Variants in RNLS observed in about 807,000 individuals in gnomAD.
The protein encoded by RNLS is renalase.
RNLS carries 39 observed loss-of-function variants against 39.8 expected under a neutral mutation model. That is an observed-to-expected ratio of 0.98 (90% CI 0.76 to 1.28). The LOEUF (loss-of-function observed/expected upper bound fraction) is 1.28, where lower values mean the gene tolerates loss of function less well. Among genes scored for constraint, RNLS ranks in the 50% most tolerant of loss-of-function variants. The pLI, the probability that RNLS is intolerant of heterozygous loss-of-function variation, is 0.00. For synonymous variants in RNLS, 147 were observed against 150.7 expected (o/e 0.98, Z 0.18); for missense variants, 410 against 413.3 (o/e 0.99, Z 0.07).
chr10:88,394,532 A>T (rs1028680569), intron 4 of RNLS, among the ~76,000 whole-genome samples: 5 of 152,244 alleles, frequency 3.3e-5, no homozygotes, highest in South Asian at 4.1e-4. Context: ...TTCATTAAAA[A>T]GTCAGGAAAC....
intron 6 of RNLS, among the ~76,000 whole-genome samples, chr10:88,286,496 C>T (rs950523622): frequency 6.6e-5 from 10 of 151,918 alleles, no homozygotes; most frequent in Admixed American, 1.3e-4. Flanking sequence ...GATGATTTGG[C>T]CACTGAAACA....
intron 4 of RNLS, among the ~76,000 whole-genome samples, chr10:88,518,430 A>G (rs1846527450): frequency 6.6e-6 from 1 of 151,990 alleles, no homozygotes; most frequent in Admixed American, 6.6e-5. Flanking sequence ...GAAGGCTAAA[A>G]TACACTGTAA....
At chr10:88,325,406 G>T (rs1355389765) in intron 5 of RNLS, among the ~76,000 whole-genome samples, 2 of 152,248 alleles carry the variant, frequency 1.3e-5, no homozygotes, top group East Asian at 3.9e-4. Context: ...TCAGGACACC[G>T]AATGTTGATA....
chr10:88,477,470 G>A, intron 4 of RNLS, among the ~76,000 whole-genome samples: 1 of 152,134 alleles, frequency 6.6e-6, no homozygotes, highest in East Asian at 1.9e-4. Context: ...GGATGACAAT[G>A]GGGAAGAGGA....
At chr10:88,378,734 A>G (rs1398980676) in intron 4 of RNLS, among the ~76,000 whole-genome samples, 1 of 152,212 alleles carries the variant, frequency 6.6e-6, no homozygotes, top group Non-Finnish European at 1.5e-5. Flanking sequence ...CACATGCTAT[A>G]CATACTTTGT....
At chr10:88,176,159 CAGCCTT>C in the RNLS span, among the ~76,000 whole-genome samples, 1 of 147,928 alleles carries the variant, frequency 6.8e-6, no homozygotes, top group Non-Finnish European at 1.5e-5. Context: ...TTCATTTAGG[CAGCCTT>C]AGCCTATCTT....
the RNLS span, among the ~76,000 whole-genome samples, chr10:88,179,185 C>A: frequency 6.6e-6 from 1 of 152,022 alleles, no homozygotes; most frequent in South Asian, 2.1e-4. Context: ...AATGGGAGTA[C>A]CAGATTGAGG....
At chr10:88,506,324 T>C (rs556628607) in intron 4 of RNLS, among the ~76,000 whole-genome samples, 10 of 152,198 alleles carry the variant, frequency 6.6e-5, no homozygotes, top group African/African-American at 2.4e-4. Flanking sequence ...AAGAGAATTT[T>C]CAAGGCAACT....
At chr10:88,278,712 A>G (rs138443559) in intron 6 of RNLS, among the ~76,000 whole-genome samples, 1 of 152,312 alleles carries the variant, frequency 6.6e-6, no homozygotes, top group East Asian at 1.9e-4. Flanking sequence ...CTTCCAAAAT[A>G]TAATGGGATG....
chr10:88,391,455 G>A lies in RNLS; in HGVS notation c.527-28730C>T, dbSNP rs188410550. ...CACCTGTAGTCCCAGCTACTTGGGA[G>A]GCTGAGGCAGGAGAATTGCTTGAAC... On this transcript the variant is annotated intron_variant, in intron 4 of 6. Coordinates refer to ENST00000331772, the MANE Select transcript of RNLS (RefSeq NM_001031709.3). Among the ~76,000 whole-genome samples the A allele has an allele frequency of 1.2e-3, 186 of 152,308 alleles. 1 individual carries two copies. The highest frequency in any genetic ancestry group is 4.3e-3 in the African/African-American group (180 of 41,582).
In RNLS at chr10:88,356,020, T is replaced by C. The variant is rs149480996; in HGVS notation, c.700+6532A>G. ...CGTGGGCATGGGACCCTCTGATCCT[T>C]GCGCGGGATATAATCTCCTGGTGTG... On this transcript the variant is annotated intron_variant, in intron 5 of 6. Transcript: ENST00000331772. 2.9e-3 allele frequency among the ~76,000 whole-genome samples: 445 copies of C among 152,334 alleles called. 2 individuals are homozygous for C. Among genetic ancestry groups the C allele is most frequent in the African/African-American group, 9.9e-3 (413 of 41,590 alleles).
chr10:88,500,218 T>C (rs999610592), intron 4 of RNLS, among the ~76,000 whole-genome samples: 1 of 152,014 alleles, frequency 6.6e-6, no homozygotes, highest in Non-Finnish European at 1.5e-5. Context: ...CCTGGTGTAG[T>C]CTGAACAGAA....
chr10:88,420,668 C>T (rs1393919011), intron 4 of RNLS, among the ~76,000 whole-genome samples: 1 of 152,176 alleles, frequency 6.6e-6, no homozygotes, highest in Non-Finnish European at 1.5e-5. Context: ...ATCTCAGGAG[C>T]CATAACTTAA....
the RNLS span, among the ~76,000 whole-genome samples, chr10:88,215,381 C>T: frequency 1.3e-5 from 2 of 152,064 alleles, no homozygotes; most frequent in Non-Finnish European, 2.9e-5. Context: ...TAGTAAATAA[C>T]AAACCTTGGA....
chr10:88,368,955 C>T (rs927928817), intron 4 of RNLS, among the ~76,000 whole-genome samples: 10 of 152,022 alleles, frequency 6.6e-5, no homozygotes, highest in African/African-American at 2.2e-4. Context: ...GAATAGATCT[C>T]GCTTTGGTTC....
Position 88,546,962 on chromosome 10 carries a change from CATT to C in RNLS, c.526+25938_526+25940del, listed in dbSNP as rs1740117560. ...GTACCATGTGAATGACAGGGGAAAA[CATT>C]ATAGAAAGACTATGATGCATCCAAA... is the stretch of plus-strand genomic sequence containing the variant. On this transcript the variant is annotated intron_variant, in intron 4 of 6. Transcript: ENST00000331772. Among the ~76,000 whole-genome samples, 3 of 150,340 alleles carry C rather than the reference CATT, an allele frequency of 2.0e-5. No homozygotes were observed. The South Asian group carries it at 6.3e-4, about 32-fold the overall frequency.
At chr10:88,449,607 A>G (rs532648420) in intron 4 of RNLS, among the ~76,000 whole-genome samples, 1 of 152,330 alleles carries the variant, frequency 6.6e-6, no homozygotes, top group East Asian at 1.9e-4. Flanking sequence ...CTTAGTACTC[A>G]ATAAATATTT....
chr10:88,504,222 C>A (rs963477581), intron 4 of RNLS, among the ~76,000 whole-genome samples: 2 of 152,190 alleles, frequency 1.3e-5, no homozygotes, highest in East Asian at 1.9e-4. Context: ...ACCTAAATAT[C>A]CATCCCTAGG....
chr10:88,538,115 C>T (rs1259882861), intron 4 of RNLS, among the ~76,000 whole-genome samples: 1 of 152,136 alleles, frequency 6.6e-6, no homozygotes, highest in African/African-American at 2.4e-5. Context: ...AAATTCAAAA[C>T]AAGCCTCAGA....
Sources: gnomAD v4.1 joint callset for allele counts (sites outside exome capture counted in the v4.1 genomes callset) on GRCh38, gnomAD v4.1.1 for gene constraint, MANE v1.5 for transcripts, NCBI Gene and HGNC (gene_info 2026-07-23, HGNC 2026-07-21) for gene names.